The following SMIM41 variants were observed in gnomAD, a reference collection of about 807,000 sequenced individuals.
SMIM41 encodes the protein small integral membrane protein 41.
At chr12:52,104,671 GT>G (rs1054852417) in intron 2 of SMIM41, among the ~76,000 whole-genome samples, 1 of 144,094 alleles carries the variant, frequency 6.9e-6, no homozygotes, top group Non-Finnish European at 1.5e-5. Flanking sequence ...CTTGGTTATG[GT>G]CGGGGGGGGG....
intron 2 of SMIM41, among the ~76,000 whole-genome samples, chr12:52,097,080 G>T (rs1473808528): frequency 6.6e-6 from 1 of 152,106 alleles, no homozygotes; most frequent in Non-Finnish European, 1.5e-5. Flanking sequence ...CACCACTCCT[G>T]TGATATTGTT....
intron 2 of SMIM41, among the ~76,000 whole-genome samples, chr12:52,094,373 C>G (rs7960237): frequency 0.14 from 20,654 of 151,302 alleles, 3,331 homozygotes; most frequent in African/African-American, 0.4. Flanking sequence ...TTTTTTTGGT[C>G]TGTATTTTTA....
rs572659073 is a variant in SMIM41, at chr12:52,081,593, C to T, written c.*120+1412C>T. On this transcript the variant is annotated intron_variant, in intron 1 of 2. Transcript: ENST00000546390. The surrounding 1 kb of genome is among the most constrained non-coding windows in gnomAD (Gnocchi z 4.1). ...TGTGTGTAGTGTGTCTGTTACTGCA[C>T]CTGGCACAGGCAGGGGGCTGGGCCC... Among the ~76,000 whole-genome samples, 2 of 152,216 alleles carry T rather than the reference C, an allele frequency of 1.3e-5. No homozygotes were observed. Among genetic ancestry groups the T allele is most frequent in the South Asian group, 4.2e-4 (2 of 4,814 alleles).
intron 2 of SMIM41, among the ~76,000 whole-genome samples, chr12:52,089,596 AAAAAAC>A (rs1213656202): frequency 7.5e-5 from 8 of 106,776 alleles, no homozygotes; most frequent in African/African-American, 2.2e-4. Context: ...CCCGCCTTCA[AAAAAAC>A]AAAACAAAAC....
At position 52,103,752 on chromosome 12, in the gene SMIM41, C is replaced by CAATAAATA. The variant is rs112160627; in HGVS notation, c.*196-3626_*196-3625insATAAATAA. On this transcript the variant is annotated intron_variant, in intron 2 of 2. Coordinates refer to ENST00000546390, the MANE Select transcript of SMIM41 (RefSeq NM_001369216.1). ...CTGGGCGACAGAGAAAGACTGTCTC[C>CAATAAATA]AGTAAATAAATAAATAAATAAATAA... 1.5e-3 allele frequency among the ~76,000 whole-genome samples: 217 copies of CAATAAATA among 147,586 alleles called. 2 individuals are homozygous for CAATAAATA. The highest frequency in any genetic ancestry group is 4.7e-3 in the African/African-American group (178 of 38,222).
chr12:52,103,211 C>T (rs1296422043), intron 2 of SMIM41, among the ~76,000 whole-genome samples: 1 of 151,972 alleles, frequency 6.6e-6, no homozygotes, highest in Non-Finnish European at 1.5e-5. Context: ...CCTATAGTCC[C>T]AGCTACTCGG....
intron 2 of SMIM41, among the ~76,000 whole-genome samples, chr12:52,100,018 G>C (rs538701897): frequency 7.2e-5 from 11 of 151,916 alleles, no homozygotes; most frequent in Non-Finnish European, 1.2e-4. Flanking sequence ...CCCAAACCTG[G>C]ATGTTAGCAA....
At chr12:52,089,827 C>G (rs1413507269) in intron 2 of SMIM41, among the ~76,000 whole-genome samples, 1 of 152,178 alleles carries the variant, frequency 6.6e-6, no homozygotes, top group African/African-American at 2.4e-5. Context: ...TGGGGGCCCA[C>G]CCCAGTTCAG....
At chr12:52,091,143 C>A (rs963997901) in intron 2 of SMIM41, among the ~76,000 whole-genome samples, 2 of 152,324 alleles carry the variant, frequency 1.3e-5, no homozygotes, top group East Asian at 1.9e-4. Context: ...TCCCCAGTAG[C>A]TGGGACTACA....
chr12:52,103,754 G>GTAAA lies in SMIM41; in HGVS notation c.*196-3604_*196-3601dup, dbSNP rs747469326. On this transcript the variant is annotated intron_variant, in intron 2 of 2. Transcript: ENST00000546390. ...GGGCGACAGAGAAAGACTGTCTCCAGTAAATAAATAAATAAATAAATAAAC... is the reference window on the plus strand; with the variant it reads ...GGGCGACAGAGAAAGACTGTCTCCAGTAAATAAATAAATAAATAAATAAATAAAC... 8.4e-3 allele frequency among the ~76,000 whole-genome samples: 1,260 copies of GTAAA among 149,936 alleles called. 21 individuals are homozygous for GTAAA. Among genetic ancestry groups the GTAAA allele is most frequent in the African/African-American group, 0.025 (998 of 40,422 alleles).
chr12:52,103,858 G>T (rs1204215210), intron 2 of SMIM41, among the ~76,000 whole-genome samples: 1 of 152,204 alleles, frequency 6.6e-6, no homozygotes. Flanking sequence ...GGCCCCCAGG[G>T]GTGGGCGAGA....
At chr12:52,083,523 T>A (rs1939847897) in intron 1 of SMIM41, among the ~76,000 whole-genome samples, 1 of 152,188 alleles carries the variant, frequency 6.6e-6, no homozygotes, top group Non-Finnish European at 1.5e-5. Context: ...CACCTTCAGA[T>A]CCACATCTTC....
At position 52,107,516 on chromosome 12, in the gene SMIM41, C is replaced by T. The variant is rs1940365264; in HGVS notation, c.*333C>T. On this transcript the variant is annotated 3_prime_UTR_variant, in exon 3 of 3. Coordinates refer to ENST00000546390, the MANE Select transcript of SMIM41 (RefSeq NM_001369216.1). The stretch of plus-strand genomic sequence containing the variant: ...ACCTCCACACCTCCATGTACTTCTT[C>T]CTCTCCAACCTGTCCTTGCCTGACA... 2.1e-6 allele frequency: 2 copies of T among 953,132 alleles called. No individual in the cohort carries two copies. The highest frequency in any genetic ancestry group is 3.3e-6 in the Non-Finnish European group (2 of 612,966). The allele number at this position is 953,132 out of a possible 1,614,324, so 59.0% of individuals were successfully genotyped here.
chr12:52,102,160 G>A (rs1308429668), intron 2 of SMIM41, among the ~76,000 whole-genome samples: 1 of 152,204 alleles, frequency 6.6e-6, no homozygotes, highest in African/African-American at 2.4e-5. Flanking sequence ...AATGGTGTTG[G>A]AGAAACTTGA....
At position 52,081,153 on chromosome 12, in the gene SMIM41, G is replaced by A. The variant is rs1162885258; in HGVS notation, c.*120+972G>A. Among the ~76,000 whole-genome samples the A allele has an allele frequency of 6.6e-6, 1 of 152,144 alleles. No homozygotes were observed. Among genetic ancestry groups the A allele is most frequent in the African/African-American group, 2.4e-5 (1 of 41,418 alleles). ...CACCTGGGACAGAGCCACAGGGGCT[G>A]GAGAGGCCTTCTCTGTTCCTTCCCT... is the stretch of plus-strand genomic sequence containing the variant. On this transcript the variant is annotated intron_variant, in intron 1 of 2. Transcript: ENST00000546390. The surrounding 1 kb of genome is among the most constrained non-coding windows in gnomAD (Gnocchi z 4.1).
chr12:52,099,609 T>C (rs1013047641), intron 2 of SMIM41, among the ~76,000 whole-genome samples: 17 of 152,066 alleles, frequency 1.1e-4, no homozygotes, highest in African/African-American at 3.9e-4. Flanking sequence ...GGTGCGATAT[T>C]GGTAGTGATA....
Position 52,092,953 on chromosome 12 carries a change from G to A in SMIM41, c.*195+8985G>A, listed in dbSNP as rs1347136212. On this transcript the variant is annotated intron_variant, in intron 2 of 2. Transcript: ENST00000546390. ...TCCCAGCACTTTGGTAGGTCGAGGC[G>A]GGCAGATCACGAGGTCAGGATATCG... Among the ~76,000 whole-genome samples, 4 of 152,192 alleles carry A rather than the reference G, an allele frequency of 2.6e-5. No homozygotes were observed. In the South Asian group the frequency reaches 6.2e-4, roughly 24 times the overall value.
chr12:52,097,283 T>C (rs971813954), intron 2 of SMIM41, among the ~76,000 whole-genome samples: 2 of 151,748 alleles, frequency 1.3e-5, no homozygotes, highest in African/African-American at 4.8e-5. Context: ...CCCCTCTCTT[T>C]CCCTGGATAT....
Position 52,079,704 on chromosome 12 carries a change from G to A in SMIM41, c.-76G>A. ...GCCCCTTGGTTCCCTCCCCGACGCA[G>A]CCGCCGGCCCGCCCGCCAGTCTGGG... On this transcript the variant is annotated 5_prime_UTR_variant, in exon 1 of 3. Transcript: ENST00000546390. The A allele has an allele frequency of 5.2e-6, 2 of 388,160 alleles. No individual in the cohort carries two copies. Among genetic ancestry groups the A allele is most frequent in the Non-Finnish European group, 9.1e-6 (2 of 219,460 alleles). The allele number at this position is 388,160 out of a possible 1,614,324, so 24.0% of individuals were successfully genotyped here.
Sources: allele counts gnomAD v4.1 joint callset (sites outside exome capture counted in the v4.1 genomes callset), GRCh38; gene constraint gnomAD v4.1.1; non-coding constraint Gnocchi (gnomAD v3.1); transcripts MANE v1.5; gene names NCBI Gene and HGNC (gene_info 2026-07-23, HGNC 2026-07-21).